Variants in SMARCA2 observed in about 807,000 individuals in gnomAD.
SMARCA2 encodes the protein SWI/SNF related BAF chromatin remodeling complex subunit ATPase 2.
SMARCA2 carries 61 observed loss-of-function variants against 199.8 expected under a neutral mutation model. The observed-to-expected ratio is 0.31, with a 90% confidence interval of 0.25 to 0.38. SMARCA2 has a LOEUF of 0.38. Among genes scored for constraint, SMARCA2 ranks in the 10% least tolerant of loss-of-function variants. The pLI is 1.00. For missense variants in SMARCA2, 1,344 were observed against 2,012.2 expected (o/e 0.67, Z 6.35); for synonymous variants, 935 against 732.0 (o/e 1.28, Z -4.48).
At chr9:2,142,487 A>C (rs1043720241) in intron 27 of SMARCA2, among the ~76,000 whole-genome samples, 2 of 152,172 alleles carry the variant, frequency 1.3e-5, no homozygotes, top group African/African-American at 4.8e-5. Flanking sequence ...TCAGATAAAC[A>C]GCTTGGTTTC....
chr9:2,159,575 A>C (rs188423936), intron 27 of SMARCA2: 1 of 402,278 alleles, frequency 2.5e-6, no homozygotes, highest in South Asian at 5.2e-5. Context: ...AGACTCAGAA[A>C]CCATCTGAGC....
chr9:2,164,423 T>C (rs143798209), intron 28 of SMARCA2, among the ~76,000 whole-genome samples: 184 of 152,336 alleles, frequency 1.2e-3, no homozygotes, highest in Non-Finnish European at 2.3e-3. Flanking sequence ...ATTTACTTAA[T>C]CTCCCTGAGC....
At chr9:2,083,453 A>C (rs758010973) in intron 16 of SMARCA2, 40 bp downstream of exon 16, 206 of 1,282,492 alleles carry the variant, frequency 1.6e-4, no homozygotes, top group Non-Finnish European at 2.3e-4. Flanking sequence ...TGGAAAAGCA[A>C]AAAATAGACC....
chr9:2,117,047 C>T (rs911631623), intron 25 of SMARCA2, among the ~76,000 whole-genome samples: 12 of 152,160 alleles, frequency 7.9e-5, no homozygotes, highest in Admixed American at 1.3e-4. Context: ...TGTTACATCC[C>T]GACAAACCCA....
intron 31 of SMARCA2, among the ~76,000 whole-genome samples, chr9:2,182,530 G>C (rs1486537471): frequency 3.5e-5 from 4 of 114,280 alleles, no homozygotes; most frequent in South Asian, 2.9e-4. Flanking sequence ...GAATTTCACT[G>C]TCTCCCAGGC....
At chr9:2,132,580 G>C (rs778965343) in intron 27 of SMARCA2, among the ~76,000 whole-genome samples, 1 of 152,100 alleles carries the variant, frequency 6.6e-6, no homozygotes, top group Non-Finnish European at 1.5e-5. Context: ...TGTAAACATG[G>C]ACCCTTTTTT....
chr9:2,024,551 G>A (rs533606766), intron 1 of SMARCA2, among the ~76,000 whole-genome samples: 6 of 152,172 alleles, frequency 3.9e-5, no homozygotes, highest in Admixed American at 3.3e-4. Context: ...ACATTCCAGG[G>A]CTTCTCTTTA....
chr9:2,111,669 G>A (rs1823011350), intron 24 of SMARCA2, among the ~76,000 whole-genome samples: 1 of 152,100 alleles, frequency 6.6e-6, no homozygotes, highest in African/African-American at 2.4e-5. Flanking sequence ...CTTTTGGCAG[G>A]AAATCACATT....
At chr9:2,037,080 G>T (rs1819368322) in intron 3 of SMARCA2, among the ~76,000 whole-genome samples, 1 of 152,158 alleles carries the variant, frequency 6.6e-6, no homozygotes, top group African/African-American at 2.4e-5. Flanking sequence ...TTGGTGGAAA[G>T]ATTTTTCCTC....
intron 1 of SMARCA2, among the ~76,000 whole-genome samples, chr9:2,028,506 T>G (rs1163705559): frequency 6.6e-6 from 1 of 152,226 alleles, no homozygotes; most frequent in African/African-American, 2.4e-5. Flanking sequence ...AGATTGTATT[T>G]TTCCCGGTTT....
intron 27 of SMARCA2, among the ~76,000 whole-genome samples, chr9:2,152,467 G>A (rs1160120779): frequency 6.6e-6 from 1 of 152,190 alleles, no homozygotes; most frequent in African/African-American, 2.4e-5. Flanking sequence ...GGCTGAAGCA[G>A]AATTGAACCT....
chr9:2,134,999 A>T (rs377239316), intron 27 of SMARCA2, among the ~76,000 whole-genome samples: 1 of 152,222 alleles, frequency 6.6e-6, no homozygotes, highest in East Asian at 1.9e-4. Context: ...ATGTGGAGCC[A>T]TGTATAAGAG....
intron 27 of SMARCA2, chr9:2,160,506 G>C (rs566965924): frequency 1.6e-4 from 97 of 622,898 alleles, no homozygotes; most frequent in African/African-American, 1.4e-3. Flanking sequence ...TTTTCAGGAA[G>C]CGTTGTACAT....
rs763516456 is a variant in SMARCA2 at position 2,086,873 on chromosome 9, G to A, written c.2571G>A (p.Lys857=). 1 of 1,614,124 alleles carries A rather than the reference G, an allele frequency of 6.2e-7. No homozygotes were observed. Among genetic ancestry groups the A allele is most frequent in the South Asian group, 1.1e-5 (1 of 91,084 alleles). The part of the protein sequence containing the change: ...YMIVDEGHRM[K]NHHCKLTQVL... ...TAGTGGACGAAGGCCACCGAATGAAGAATCACCACTGCAAGCTGACTCAGG... is the reference window on the plus strand; with the variant it reads ...TAGTGGACGAAGGCCACCGAATGAAAAATCACCACTGCAAGCTGACTCAGG... The change falls in exon 18 of 34, where the codon AAG becomes AAA. Residue 857 remains lysine, a synonymous_variant. Coordinates refer to ENST00000349721, the MANE Select transcript of SMARCA2 (RefSeq NM_003070.5). The surrounding 1 kb of genome is among the most constrained non-coding windows in gnomAD (Gnocchi z 4.3).
At chr9:2,052,534 T>G (rs754717083) in intron 5 of SMARCA2, among the ~76,000 whole-genome samples, 3 of 152,220 alleles carry the variant, frequency 2.0e-5, no homozygotes, top group Non-Finnish European at 4.4e-5. Flanking sequence ...ATTAACACAT[T>G]ATGATGACAA....
At chr9:2,050,631 T>C (rs543886291) in intron 5 of SMARCA2, among the ~76,000 whole-genome samples, 2 of 152,274 alleles carry the variant, frequency 1.3e-5, no homozygotes, top group Admixed American at 1.3e-4. Context: ...TGTGATTTTT[T>C]TTTTTTTTTG....
chr9:2,067,703 A>G (rs12002861), intron 9 of SMARCA2, among the ~76,000 whole-genome samples: 43,192 of 152,066 alleles, frequency 0.28, 6,923 homozygotes, highest in African/African-American at 0.43. Context: ...ACAGAGAGCT[A>G]AGATTGAAAC....
chr9:2,061,056 G>A, intron 9 of SMARCA2, 70 bp downstream of exon 9: 1 of 1,411,160 alleles, frequency 7.1e-7, no homozygotes. Context: ...GGCGAGTATT[G>A]CTCTTTAAGT....
At chr9:2,139,008 G>T (rs539265465) in intron 27 of SMARCA2, among the ~76,000 whole-genome samples, 6 of 152,328 alleles carry the variant, frequency 3.9e-5, no homozygotes, top group South Asian at 4.1e-4. Context: ...GGTCAAATGT[G>T]TAGAGCTTTT....
Sources: allele counts gnomAD v4.1 joint callset (sites outside exome capture counted in the v4.1 genomes callset), GRCh38; gene constraint gnomAD v4.1.1; non-coding constraint Gnocchi (gnomAD v3.1); transcripts MANE v1.5; gene names NCBI Gene and HGNC (gene_info 2026-07-23, HGNC 2026-07-21).